Variants in PKHD1 observed in about 807,000 individuals in gnomAD.
The protein encoded by PKHD1 is PKHD1 ciliary IPT domain containing fibrocystin/polyductin.
PKHD1 carries 291 observed loss-of-function variants against 412.0 expected under a neutral mutation model. The observed-to-expected ratio is 0.71, with a 90% CI of 0.64 to 0.78. The LOEUF is 0.78. PKHD1 is among the 30% of genes least tolerant of loss of function. The pLI is 0.00. For synonymous variants in PKHD1, 1,777 were observed against 1,821.5 expected (o/e 0.98, Z 0.62); for missense variants, 4,825 against 4,950.7 (o/e 0.97, Z 0.76).
intron 5 of PKHD1, among the ~76,000 whole-genome samples, chr6:52,077,358 A>G (rs1811469135): frequency 6.6e-6 from 1 of 152,060 alleles, no homozygotes. Context: ...CCAAGGCTTG[A>G]CCTGTGAGCC....
At chr6:51,990,197 G>A (rs1160218080) in intron 35 of PKHD1, among the ~76,000 whole-genome samples, 1 of 151,602 alleles carries the variant, frequency 6.6e-6, no homozygotes, top group Admixed American at 6.6e-5. Flanking sequence ...CTCTATCAAA[G>A]ATTTTTTTAA....
rs555349560 is a variant in PKHD1 at position 51,965,804 on chromosome 6, T to C, written c.5752-5778A>G. Among the ~76,000 whole-genome samples, 12 of 152,282 alleles carry C rather than the reference T, an allele frequency of 7.9e-5. No individual in the cohort carries two copies. The South Asian group carries it at 2.5e-3, about 32-fold the overall frequency. On this transcript the variant is annotated intron_variant, in intron 35 of 66. Transcript: ENST00000371117. ...CTGCGATTTCTCAAAGGTTGCTGAC[T>C]CTACCTCAGTGCTTCATATATCTAA... is the stretch of plus-strand genomic sequence containing the variant.
chr6:52,002,748 T>C (rs1798588538), intron 35 of PKHD1, among the ~76,000 whole-genome samples: 1 of 152,176 alleles, frequency 6.6e-6, no homozygotes, highest in Non-Finnish European at 1.5e-5. Context: ...GTTTTTTGAT[T>C]TCTGTAATAG....
intron 35 of PKHD1, among the ~76,000 whole-genome samples, chr6:51,976,753 T>C (rs1236917688): frequency 6.6e-6 from 1 of 152,018 alleles, no homozygotes; most frequent in East Asian, 1.9e-4. Context: ...ATCGAGACCA[T>C]CCTGGACAAC....
chr6:52,072,099 A>T lies in PKHD1; in HGVS notation c.602+16T>A. ...ACTTACAAGCATGTGCATTGGCAAGATAATAAGACACTCACCAGCTTCCCA... is the reference window on the plus strand; with the variant it reads ...ACTTACAAGCATGTGCATTGGCAAGTTAATAAGACACTCACCAGCTTCCCA... On this transcript the variant is annotated intron_variant, in intron 8 of 66. Coordinates refer to ENST00000371117, the MANE Select transcript of PKHD1 (RefSeq NM_138694.4). The T allele has an allele frequency of 6.6e-7, 1 of 1,513,568 alleles. No individual in the cohort carries two copies. The allele number at this position is 1,513,568 out of a possible 1,614,324, so 93.8% of individuals were successfully genotyped here.
chr6:52,007,060 A>T (rs1799173964), intron 35 of PKHD1, among the ~76,000 whole-genome samples: 1 of 152,206 alleles, frequency 6.6e-6, no homozygotes, highest in Non-Finnish European at 1.5e-5. Context: ...CATTATATAT[A>T]CATACCATAA....
At chr6:51,995,452 C>A (rs550277442) in intron 35 of PKHD1, among the ~76,000 whole-genome samples, 1 of 152,348 alleles carries the variant, frequency 6.6e-6, no homozygotes, top group African/African-American at 2.4e-5. Context: ...TCAAACTTTA[C>A]ACTCCAGCCA....
intron 60 of PKHD1, among the ~76,000 whole-genome samples, chr6:51,717,878 A>G (rs750385704): frequency 6.6e-6 from 1 of 152,230 alleles, no homozygotes; most frequent in Non-Finnish European, 1.5e-5. Flanking sequence ...CTCTTAAAAA[A>G]TAAAGCCAGT....
At chr6:51,632,306 T>C (rs540321870) in intron 65 of PKHD1, among the ~76,000 whole-genome samples, 1 of 152,292 alleles carries the variant, frequency 6.6e-6, no homozygotes, top group African/African-American at 2.4e-5. Flanking sequence ...TAAATTCCTT[T>C]ATCTGAAGTG....
At chr6:52,083,829 T>G (rs1250132460) in intron 2 of PKHD1, among the ~76,000 whole-genome samples, 1 of 152,112 alleles carries the variant, frequency 6.6e-6, no homozygotes, top group Non-Finnish European at 1.5e-5. Flanking sequence ...TCAATTCTCC[T>G]GCTCAATATA....
At chr6:51,856,132 A>G in intron 48 of PKHD1, 62 bp from the exon 49 acceptor site, 1 of 949,028 alleles carries the variant, frequency 1.1e-6, no homozygotes, top group South Asian at 1.3e-5. Flanking sequence ...TCTGAATCCA[A>G]TACATTCCTC....
At chr6:51,670,345 T>C (rs1441927692) in intron 60 of PKHD1, among the ~76,000 whole-genome samples, 2 of 152,268 alleles carry the variant, frequency 1.3e-5, no homozygotes, top group African/African-American at 2.4e-5. Flanking sequence ...TTAAAGTCTG[T>C]TTTATCAGAG....
At chr6:51,790,574 C>A (rs1358052068) in intron 53 of PKHD1, among the ~76,000 whole-genome samples, 1 of 152,146 alleles carries the variant, frequency 6.6e-6, no homozygotes, top group Admixed American at 6.5e-5. Context: ...GAGATGCTTG[C>A]CTTCTCCTCA....
At chr6:52,058,050 G>T (rs1347662383) in intron 16 of PKHD1, among the ~76,000 whole-genome samples, 1 of 152,168 alleles carries the variant, frequency 6.6e-6, no homozygotes, top group African/African-American at 2.4e-5. Context: ...GTGTTTAGAG[G>T]ACCTTGTCTC....
chr6:51,901,421 C>CA (rs1291167394), intron 43 of PKHD1, among the ~76,000 whole-genome samples: 1 of 151,070 alleles, frequency 6.6e-6, no homozygotes, highest in African/African-American at 2.4e-5. Flanking sequence ...ATCGCAAGAA[C>CA]AAAAAACCAA....
At chr6:51,920,280 T>C (rs777800401) in intron 37 of PKHD1, among the ~76,000 whole-genome samples, 1 of 152,234 alleles carries the variant, frequency 6.6e-6, no homozygotes, top group Non-Finnish European at 1.5e-5. Flanking sequence ...AGATAGCTCT[T>C]ATGAGTTTGA....
At chr6:51,870,443 T>A in intron 47 of PKHD1, 61 bp downstream of exon 47, 1 of 1,333,078 alleles carries the variant, frequency 7.5e-7, no homozygotes, top group Non-Finnish European at 1.1e-6. Context: ...TGCCACTATT[T>A]ATAATACTGA....
chr6:51,817,361 T>C (rs1014179239), intron 52 of PKHD1, among the ~76,000 whole-genome samples: 3 of 151,860 alleles, frequency 2.0e-5, no homozygotes, highest in Non-Finnish European at 1.5e-5. Flanking sequence ...GTGGTGAAGA[T>C]TGGAATTATC....
rs1582254904 is a variant in PKHD1 at position 51,717,819 on chromosome 6, T to A, written c.10156+26566A>T. ...AGTGGAAGGGACACAGGCATGAAGG[T>A]ATGAAATAGTGTTAGAGAAGAAGGT... is the stretch of plus-strand genomic sequence containing the variant. On this transcript the variant is annotated intron_variant, in intron 60 of 66. Transcript: ENST00000371117. 2.0e-5 allele frequency among the ~76,000 whole-genome samples: 3 copies of A among 152,112 alleles called. No individual in the cohort carries two copies. In the South Asian group the frequency reaches 6.2e-4, roughly 32 times the overall value.
Sources: allele counts gnomAD v4.1 joint callset (sites outside exome capture counted in the v4.1 genomes callset), GRCh38; gene constraint gnomAD v4.1.1; transcripts MANE v1.5; gene names NCBI Gene and HGNC (gene_info 2026-07-23, HGNC 2026-07-21).